The following SLCO3A1 variants were observed in gnomAD, a reference collection of about 807,000 sequenced individuals.
SLCO3A1 encodes solute carrier organic anion transporter family member 3A1.
SLCO3A1 carries 27 observed loss-of-function variants against 63.1 expected under a neutral mutation model. The observed-to-expected ratio is 0.43, with a 90% CI of 0.32 to 0.59. The LOEUF (loss-of-function observed/expected upper bound fraction) is 0.59, where lower values mean the gene tolerates loss of function less well. SLCO3A1 is among the 20% of genes least tolerant of loss of function. The pLI is 0.09. For synonymous variants in SLCO3A1, 473 were observed against 409.9 expected (o/e 1.15, Z -1.86); for missense variants, 773 against 945.8 (o/e 0.82, Z 2.40).
At chr15:92,015,228 C>T (rs561592279) in intron 2 of SLCO3A1, among the ~76,000 whole-genome samples, 83 of 152,114 alleles carry the variant, frequency 5.5e-4, no homozygotes, top group African/African-American at 1.9e-3. Context: ...GTCCTGTTGG[C>T]GGGTGTATTC....
intron 2 of SLCO3A1, among the ~76,000 whole-genome samples, chr15:92,002,707 G>A (rs2046269535): frequency 6.6e-6 from 1 of 152,052 alleles, no homozygotes; most frequent in South Asian, 2.1e-4. Context: ...GCCTGCGATG[G>A]GCAGGAGACT....
At position 91,863,751 on chromosome 15, in the gene SLCO3A1, A is replaced by G. The variant is rs1897101494; in HGVS notation, c.180+9663A>G. 6.6e-6 allele frequency among the ~76,000 whole-genome samples: 1 copy of G among 152,156 alleles called. No individual in the cohort carries two copies. Among genetic ancestry groups the G allele is most frequent in the Non-Finnish European group, 1.5e-5 (1 of 68,026 alleles). On this transcript the variant is annotated intron_variant, in intron 1 of 9. Transcript: ENST00000318445. This position sits in a 1 kb window ranked among gnomAD's most constrained non-coding sequence, Gnocchi z 4.3. Reference sequence around the variant, plus strand: ...AATAGATGTAGAAGAGCTTCAGAGAAGCCTCTCCTGTCCTTATGCAAAAAA... The same window carrying G: ...AATAGATGTAGAAGAGCTTCAGAGAGGCCTCTCCTGTCCTTATGCAAAAAA...
Position 92,163,703 on chromosome 15 carries a change from T to C in SLCO3A1, c.*568T>C, listed in dbSNP as rs2048469449. On this transcript the variant is annotated 3_prime_UTR_variant, in exon 10 of 10. Coordinates refer to ENST00000318445, the MANE Select transcript of SLCO3A1 (RefSeq NM_013272.4). ...CCACTCCTCTCTCTGACTTTCGCAA[T>C]ATGGGTCACTGTGTAGACGACTCAC... 5 of 985,294 alleles carry C rather than the reference T, an allele frequency of 5.1e-6. No homozygotes were observed. Among genetic ancestry groups the C allele is most frequent in the Non-Finnish European group, 6.0e-6 (5 of 829,960 alleles). 61.0% of individuals were successfully genotyped at this position (985,294 alleles called of 1,614,324 possible).
At chr15:92,111,217 C>T (rs1280132028) in intron 4 of SLCO3A1, among the ~76,000 whole-genome samples, 1 of 152,188 alleles carries the variant, frequency 6.6e-6, no homozygotes, top group Non-Finnish European at 1.5e-5. Flanking sequence ...CAGGCCTGGC[C>T]ACAGGACCCA....
intron 1 of SLCO3A1, among the ~76,000 whole-genome samples, chr15:91,903,871 A>C (rs2151370643): frequency 6.6e-6 from 1 of 152,310 alleles, no homozygotes; most frequent in East Asian, 1.9e-4. Context: ...CAGTGACAAG[A>C]AAGGTGATTG....
rs372245094 is a variant in SLCO3A1 at position 91,967,562 on chromosome 15, A to G, written c.646+51104A>G. Among the ~76,000 whole-genome samples the G allele has an allele frequency of 1.9e-3, 285 of 152,344 alleles. 1 individual carries two copies. Among genetic ancestry groups the G allele is most frequent in the African/African-American group, 6.7e-3 (277 of 41,586 alleles). On this transcript the variant is annotated intron_variant, in intron 2 of 9. Coordinates refer to ENST00000318445, the MANE Select transcript of SLCO3A1 (RefSeq NM_013272.4). This position sits in a 1 kb window ranked among gnomAD's most constrained non-coding sequence, Gnocchi z 4.4. The stretch of plus-strand genomic sequence containing the variant: ...CCACAGGATAAAGACAGCACTCGAC[A>G]TATAATAAAAATCAATATGGATAAG...
At chr15:91,955,717 A>T (rs1485273023) in intron 2 of SLCO3A1, among the ~76,000 whole-genome samples, 1 of 152,218 alleles carries the variant, frequency 6.6e-6, no homozygotes, top group Non-Finnish European at 1.5e-5. Context: ...TAGAAATTTG[A>T]CACATGAAAT....
chr15:92,035,521 T>C (rs1295082512), intron 2 of SLCO3A1, among the ~76,000 whole-genome samples: 1 of 151,778 alleles, frequency 6.6e-6, no homozygotes, highest in Non-Finnish European at 1.5e-5. Context: ...GGCTGTGGGC[T>C]GCCTGGTTTT....
At chr15:92,059,480 C>T (rs1282345422) in intron 2 of SLCO3A1, among the ~76,000 whole-genome samples, 1 of 152,204 alleles carries the variant, frequency 6.6e-6, no homozygotes, top group Non-Finnish European at 1.5e-5. Flanking sequence ...TTCCCCAGGG[C>T]TTCACAGGAC....
chr15:92,094,970 A>G lies in SLCO3A1; in HGVS notation c.736A>G (p.Ile246Val). Residue 246 changes from isoleucine (I) to valine (V), a missense_variant, in exon 3 of 10, where the codon ATT becomes GTT. Ile to Val is a conservative substitution (Grantham distance 29). Transcript: ENST00000318445. ...CAAAATCTACGTGGATGCGGTCTTC[A>G]TTGACACAAGTAAGGAATATATCTC... is the stretch of plus-strand genomic sequence containing the variant. ...CTKIYVDAVF[I>V]DTSNLDITPD... The G allele has an allele frequency of 6.2e-7, 1 of 1,602,312 alleles. No homozygotes were observed. The highest frequency in any genetic ancestry group is 8.6e-7 in the Non-Finnish European group (1 of 1,169,242).
chr15:92,151,292 A>C, intron 9 of SLCO3A1: 1 of 309,228 alleles, frequency 3.2e-6, no homozygotes, highest in Non-Finnish European at 5.9e-6. Context: ...CAAAGGGGAA[A>C]AAAATCTGGT....
At chr15:92,001,827 CTTTTTTTTTTT>C (rs59951621) in intron 2 of SLCO3A1, among the ~76,000 whole-genome samples, 1 of 80,106 alleles carries the variant, frequency 1.2e-5, no homozygotes, top group Non-Finnish European at 2.3e-5. Context: ...TGTGTGAGTT[CTTTTTTTTTTT>C]TTTTTTTTTT....
intron 6 of SLCO3A1, among the ~76,000 whole-genome samples, chr15:92,127,680 T>C (rs531025937): frequency 6.6e-6 from 1 of 152,336 alleles, no homozygotes; most frequent in South Asian, 2.1e-4. Flanking sequence ...TTTGTTCTTT[T>C]TTCAGTTTGC....
At position 91,992,037 on chromosome 15, in the gene SLCO3A1, A is replaced by G. The variant is rs1052610987; in HGVS notation, c.646+75579A>G. Reference sequence around the variant, plus strand: ...ATAAGTCCATCGTGCATGGCTTCCAATAATCCCTTAAGGGACTTTTCTCTC... The same window carrying G: ...ATAAGTCCATCGTGCATGGCTTCCAGTAATCCCTTAAGGGACTTTTCTCTC... On this transcript the variant is annotated intron_variant, in intron 2 of 9. Coordinates refer to ENST00000318445, the MANE Select transcript of SLCO3A1 (RefSeq NM_013272.4). Among the ~76,000 whole-genome samples, 19 of 152,356 alleles carry G rather than the reference A, an allele frequency of 1.2e-4. No homozygotes were observed. In the South Asian group the frequency reaches 3.3e-3, roughly 27 times the overall value.
chr15:92,120,661 C>G, intron 5 of SLCO3A1, 32 bp downstream of exon 5: 62 of 1,557,806 alleles, frequency 4.0e-5, no homozygotes, highest in Admixed American at 1.6e-4. Context: ...CTGAGAGGGT[C>G]GGGGGAGGGT....
rs534202707 is a variant in SLCO3A1, at chr15:92,007,841, C to T, written c.647-87040C>T. Among the ~76,000 whole-genome samples the T allele has an allele frequency of 4.6e-5, 7 of 152,176 alleles. No individual in the cohort carries two copies. The East Asian group carries it at 1.2e-3, about 25-fold the overall frequency. ...CATGAGTATTTTACCCAAGGAAGAG[C>T]GATCCAAGCTCTACTAGTTTATAGG... On this transcript the variant is annotated intron_variant, in intron 2 of 9. Transcript: ENST00000318445.
intron 2 of SLCO3A1, among the ~76,000 whole-genome samples, chr15:92,080,430 C>A (rs2047329722): frequency 6.7e-6 from 1 of 148,888 alleles, no homozygotes; most frequent in African/African-American, 2.5e-5. Flanking sequence ...AGAAGCAGAA[C>A]TATAGAAAAA....
At chr15:92,132,334 G>T (rs2048006234) in intron 7 of SLCO3A1, among the ~76,000 whole-genome samples, 1 of 144,732 alleles carries the variant, frequency 6.9e-6, no homozygotes, top group African/African-American at 2.5e-5. Context: ...CTCTGGATTG[G>T]ATTTTTTTTT....
Position 92,163,055 on chromosome 15 carries a change from G to A in SLCO3A1, c.2053G>A (p.Ala685Thr), listed in dbSNP as rs762873968. 74 of 1,575,912 alleles carry A rather than the reference G, an allele frequency of 4.7e-5. 1 individual carries two copies. Among genetic ancestry groups the A allele is most frequent in the South Asian group, 4.2e-4 (35 of 83,954 alleles). Residue 685 changes from alanine (A) to threonine (T), a missense_variant, in exon 10 of 10, where the codon GCA becomes ACA. Around this residue, in one of 3 missense-constraint regions of SLCO3A1, gnomAD observed 139 missense variants for 131.4 expected, o/e 1.06. Transcript: ENST00000318445. ...LDNLGRDPVPANQTHRTKFIY... is the reference protein window; with the variant it reads ...LDNLGRDPVPTNQTHRTKFIY... ...CAACCTGGGGAGGGACCCTGTGCCCGCAAACCAGACACATAGGACAAAGTT... is the reference window on the plus strand; with the variant it reads ...CAACCTGGGGAGGGACCCTGTGCCCACAAACCAGACACATAGGACAAAGTT...
Sources: gnomAD v4.1 joint callset for allele counts (sites outside exome capture counted in the v4.1 genomes callset) on GRCh38, gnomAD v4.1.1 for gene constraint, gnomAD v4.1.1 regional missense constraint, Gnocchi (gnomAD v3.1) non-coding constraint, MANE v1.5 for transcripts, NCBI Gene and HGNC (gene_info 2026-07-23, HGNC 2026-07-21) for gene names.